Variants in MARCHF1 observed in about 807,000 individuals in gnomAD.
MARCHF1 encodes E3 ubiquitin-protein ligase MARCHF1.
A neutral mutation model predicts 54.2 loss-of-function variants in MARCHF1; 40 were observed. The observed-to-expected ratio is 0.74, with a 90% CI of 0.57 to 0.96. The LOEUF (loss-of-function observed/expected upper bound fraction) is 0.96, where lower values mean the gene tolerates loss of function less well. Ranked by LOEUF, MARCHF1 falls within the 40% of genes least tolerant of loss-of-function variation. The pLI is 0.00. For synonymous variants in MARCHF1, 236 were observed against 236.3 expected, an observed-to-expected ratio of 1.00 and a Z score of 0.01; for missense variants, 586 against 656.5, an observed-to-expected ratio of 0.89 and a Z score of 1.17.
chr4:163,906,014 A>C (rs1334191789), intron 3 of MARCHF1, among the ~76,000 whole-genome samples: 1 of 152,222 alleles, frequency 6.6e-6, no homozygotes, highest in East Asian at 1.9e-4. Flanking sequence ...TCTGTCAGAC[A>C]AAATAAGATA....
intron 4 of MARCHF1, among the ~76,000 whole-genome samples, chr4:163,757,187 CA>C (rs1392383176): frequency 6.6e-6 from 1 of 152,156 alleles, no homozygotes; most frequent in Non-Finnish European, 1.5e-5. Flanking sequence ...AACTCATTCT[CA>C]ACATTCTTTC....
intron 4 of MARCHF1, among the ~76,000 whole-genome samples, chr4:163,813,769 C>T (rs904326375): frequency 3.8e-4 from 58 of 152,072 alleles, no homozygotes; most frequent in Non-Finnish European, 7.9e-4. Flanking sequence ...AAATTGTTTG[C>T]GGCCGATATG....
intron 3 of MARCHF1, among the ~76,000 whole-genome samples, chr4:163,863,217 A>T (rs548085538): frequency 2.4e-4 from 36 of 152,160 alleles, no homozygotes; most frequent in African/African-American, 7.5e-4. Context: ...TGAAAAATAC[A>T]ATCTACATAT....
chr4:164,254,963 T>C lies in MARCHF1; in HGVS notation c.-323+128907A>G, dbSNP rs560534775. On this transcript the variant is annotated intron_variant, in intron 1 of 9. Coordinates refer to ENST00000514618, the MANE Select transcript of MARCHF1 (RefSeq NM_001394959.1). The stretch of plus-strand genomic sequence containing the variant: ...GTTGACAGTATTAACCATCACAATC[T>C]CAAACTCCTGACCTCAGGTTATCCA... 3.9e-5 allele frequency among the ~76,000 whole-genome samples: 6 copies of C among 152,226 alleles called. No individual in the cohort carries two copies. The South Asian group carries it at 1.2e-3, about 32-fold the overall frequency.
chr4:163,978,061 T>C (rs1485107332), intron 3 of MARCHF1, among the ~76,000 whole-genome samples: 2 of 152,198 alleles, frequency 1.3e-5, no homozygotes, highest in Non-Finnish European at 2.9e-5. Context: ...CTATAAATTC[T>C]TGATTCCAGA....
At chr4:164,051,846 T>C (rs1754375563) in intron 2 of MARCHF1, among the ~76,000 whole-genome samples, 1 of 152,192 alleles carries the variant, frequency 6.6e-6, no homozygotes, top group Non-Finnish European at 1.5e-5. Flanking sequence ...CCGGATTCCT[T>C]TAAAATAATG....
chr4:164,108,258 A>T (rs886747314), intron 2 of MARCHF1, among the ~76,000 whole-genome samples: 8 of 152,146 alleles, frequency 5.3e-5, no homozygotes, highest in African/African-American at 1.7e-4. Context: ...TAAAGCATAT[A>T]TGTAACATTA....
intron 2 of MARCHF1, among the ~76,000 whole-genome samples, chr4:164,005,038 A>C (rs747179370): frequency 6.6e-6 from 1 of 152,104 alleles, no homozygotes; most frequent in Non-Finnish European, 1.5e-5. Context: ...GAAAATTAGT[A>C]CAACCAGAAG....
chr4:164,190,428 T>C, intron 1 of MARCHF1: 2 of 440,996 alleles, frequency 4.5e-6, no homozygotes, highest in Non-Finnish European at 4.0e-6. Context: ...TTAAATGTAA[T>C]TGGAATTGTC....
At chr4:164,140,243 A>AC (rs1756497249) in intron 1 of MARCHF1, among the ~76,000 whole-genome samples, 3 of 150,508 alleles carry the variant, frequency 2.0e-5, no homozygotes, top group Admixed American at 2.0e-4. Flanking sequence ...CACACACTAT[A>AC]TATATATATA....
chr4:164,248,003 A>C (rs1254246703), intron 1 of MARCHF1, among the ~76,000 whole-genome samples: 1 of 151,684 alleles, frequency 6.6e-6, no homozygotes, highest in Non-Finnish European at 1.5e-5. Context: ...AATACTCCAC[A>C]CTTAGTAAAC....
chr4:163,916,356 A>AAATTGGGTG (rs1412717923), intron 3 of MARCHF1, among the ~76,000 whole-genome samples: 2 of 152,146 alleles, frequency 1.3e-5, no homozygotes, highest in Non-Finnish European at 2.9e-5. Flanking sequence ...ACTGGCACCA[A>AAATTGGGTG]AATTGGGTGT....
chr4:163,639,121 T>C (rs1468665854), intron 5 of MARCHF1, among the ~76,000 whole-genome samples: 1 of 152,174 alleles, frequency 6.6e-6, no homozygotes, highest in Non-Finnish European at 1.5e-5. Context: ...TACACAACAA[T>C]GTGAATGTAC....
At position 164,222,753 on chromosome 4, in the gene MARCHF1, T is replaced by A. The variant is rs893614597; in HGVS notation, c.-322-111091A>T. On this transcript the variant is annotated intron_variant, in intron 1 of 9. Coordinates refer to ENST00000514618, the MANE Select transcript of MARCHF1 (RefSeq NM_001394959.1). The stretch of plus-strand genomic sequence containing the variant: ...TGGTAGTTTTAGAAATAATGAGTAA[T>A]GATTTCTCAGTGTTTATGACATGTA... Among the ~76,000 whole-genome samples the A allele has an allele frequency of 2.6e-5, 4 of 152,072 alleles. No individual in the cohort carries two copies. The South Asian group carries it at 8.3e-4, about 31-fold the overall frequency.
intron 4 of MARCHF1, among the ~76,000 whole-genome samples, chr4:163,841,309 C>G (rs1445384887): frequency 1.3e-5 from 2 of 151,988 alleles, no homozygotes; most frequent in Non-Finnish European, 2.9e-5. Flanking sequence ...GGTTCATCAA[C>G]TATAACAAAT....
chr4:164,137,955 C>T (rs1326406459), intron 1 of MARCHF1, among the ~76,000 whole-genome samples: 1 of 152,096 alleles, frequency 6.6e-6, no homozygotes, highest in Non-Finnish European at 1.5e-5. Context: ...CACATTTTTC[C>T]CTGGTGGTAA....
rs148062986 is a variant in MARCHF1, at chr4:163,879,653, C to T, written c.-38-25484G>A. On this transcript the variant is annotated intron_variant, in intron 3 of 9. Transcript: ENST00000514618. ...GAAAAGTGTTATATCAAACTGCAAA[C>T]GATAATTACTAGGAAAGTGGACTAT... is the stretch of plus-strand genomic sequence containing the variant. Among the ~76,000 whole-genome samples the T allele has an allele frequency of 2.0e-3, 305 of 151,856 alleles. 1 individual carries two copies. The highest frequency in any genetic ancestry group is 7.1e-3 in the African/African-American group (294 of 41,390).
chr4:163,859,780 G>C (rs1749872877), intron 3 of MARCHF1, among the ~76,000 whole-genome samples: 1 of 152,082 alleles, frequency 6.6e-6, no homozygotes, highest in Admixed American at 6.6e-5. Flanking sequence ...TAACAATAGT[G>C]ACTCTTCCAA....
At chr4:163,706,230 T>A (rs1469209900) in intron 4 of MARCHF1, among the ~76,000 whole-genome samples, 2 of 152,034 alleles carry the variant, frequency 1.3e-5, no homozygotes. Flanking sequence ...CCTACTGCTC[T>A]ATGCTGGGAT....
Sources: gnomAD v4.1 joint callset for allele counts (sites outside exome capture counted in the v4.1 genomes callset) on GRCh38, gnomAD v4.1.1 for gene constraint, MANE v1.5 for transcripts, NCBI Gene and HGNC (gene_info 2026-07-23, HGNC 2026-07-21) for gene names.